KCNK1: variants seen among roughly 807,000 people sequenced by gnomAD.
KCNK1 encodes the protein potassium channel subfamily K member 1.
KCNK1 carries 10 observed loss-of-function variants against 22.2 expected under a neutral mutation model. The ratio of observed to expected loss-of-function variants is 0.45; its 90% CI spans 0.28 to 0.76. The LOEUF is 0.76. Ranked by LOEUF, KCNK1 falls within the 30% of genes least tolerant of loss-of-function variation. The pLI, the probability that KCNK1 is intolerant of heterozygous loss-of-function variation, is 0.14. For synonymous variants in KCNK1, 200 were observed against 186.4 expected (o/e 1.07, Z -0.60); for missense variants, 378 against 421.0 (o/e 0.90, Z 0.89).
At chr1:233,661,147 C>T (rs1276516213) in intron 1 of KCNK1, among the ~76,000 whole-genome samples, 2 of 152,214 alleles carry the variant, frequency 1.3e-5, no homozygotes, top group Non-Finnish European at 2.9e-5. Context: ...TTTCCAGAAC[C>T]TACCTCCTCA....
intron 1 of KCNK1, among the ~76,000 whole-genome samples, chr1:233,665,266 A>C (rs183991440): frequency 6.6e-6 from 1 of 152,348 alleles, no homozygotes; most frequent in Admixed American, 6.5e-5. Context: ...AAGTATTCTC[A>C]TGAGCGGTAC....
At chr1:233,664,145 T>A (rs1658449952) in intron 1 of KCNK1, among the ~76,000 whole-genome samples, 1 of 152,150 alleles carries the variant, frequency 6.6e-6, no homozygotes, top group Non-Finnish European at 1.5e-5. Flanking sequence ...TTGGCTTTTT[T>A]ATGGTTAAAT....
intron 1 of KCNK1, among the ~76,000 whole-genome samples, chr1:233,656,784 A>G (rs2102904947): frequency 6.6e-6 from 1 of 151,950 alleles, no homozygotes; most frequent in East Asian, 2.0e-4. Flanking sequence ...ATGCCCAGCT[A>G]ATTTATTTAG....
chr1:233,617,315 G>A (rs890580293), intron 1 of KCNK1, among the ~76,000 whole-genome samples: 1 of 152,156 alleles, frequency 6.6e-6, no homozygotes. Flanking sequence ...GAAGGCTTAG[G>A]TTGGTAATTC....
At chr1:233,616,981 C>T (rs13376146) in intron 1 of KCNK1, among the ~76,000 whole-genome samples, 3,800 of 151,890 alleles carry the variant, frequency 0.025, 146 homozygotes, top group African/African-American at 0.086. Context: ...TCTGGAAAAG[C>T]GCCAACCAAA....
At chr1:233,636,060 C>G (rs1374715516) in intron 1 of KCNK1, among the ~76,000 whole-genome samples, 1 of 152,114 alleles carries the variant, frequency 6.6e-6, no homozygotes, top group African/African-American at 2.4e-5. Context: ...TACCTAGTAT[C>G]GAGCTAAGAG....
intron 1 of KCNK1, among the ~76,000 whole-genome samples, chr1:233,641,548 C>G (rs986437926): frequency 6.6e-6 from 1 of 152,178 alleles, no homozygotes; most frequent in Non-Finnish European, 1.5e-5. Context: ...ACTGTAAGGT[C>G]TGGCAGTAAG....
rs551285036 is a variant in KCNK1, at chr1:233,671,608, A to G, written c.*78A>G. The G allele has an allele frequency of 6.6e-7, 1 of 1,510,282 alleles. No homozygotes were observed. Among genetic ancestry groups the G allele is most frequent in the African/African-American group, 1.4e-5 (1 of 72,012 alleles). 93.6% of individuals were successfully genotyped at this position (1,510,282 alleles called of 1,614,324 possible). On this transcript the variant is annotated 3_prime_UTR_variant, in exon 3 of 3. Coordinates refer to ENST00000366621, the MANE Select transcript of KCNK1 (RefSeq NM_002245.4). ...AGGCTTAAGTATGTTCATTTTTATC[A>G]GAATGCAAAAGCGAAAATTATGTCA...
chr1:233,659,274 C>G (rs1378047755), intron 1 of KCNK1, among the ~76,000 whole-genome samples: 1 of 151,368 alleles, frequency 6.6e-6, no homozygotes, highest in Non-Finnish European at 1.5e-5. Context: ...GGGTCAGGAT[C>G]TTCCACCCGC....
Position 233,670,800 on chromosome 1 carries a change from T to C in KCNK1, c.752-471T>C, listed in dbSNP as rs1286479309. ...ATTTCTATTATAAACTCTTATTCTATAATAGAAATTGTAAGAGTATTGAGT... is the reference window on the plus strand; with the variant it reads ...ATTTCTATTATAAACTCTTATTCTACAATAGAAATTGTAAGAGTATTGAGT... On this transcript the variant is annotated intron_variant, in intron 2 of 2. Transcript: ENST00000366621. 2.6e-5 allele frequency among the ~76,000 whole-genome samples: 4 copies of C among 152,336 alleles called. No homozygotes were observed. In the East Asian group the frequency reaches 7.7e-4, roughly 29 times the overall value.
Position 233,671,424 on chromosome 1 carries a change from C to T in KCNK1, c.905C>T (p.Ser302Phe). 14 of 1,614,152 alleles carry T rather than the reference C, an allele frequency of 8.7e-6. No individual in the cohort carries two copies. The highest frequency in any genetic ancestry group is 1.3e-5 in the African/African-American group (1 of 75,020). The change falls in exon 3 of 3, where the codon TCC (serine) becomes TTC (phenylalanine). Residue 302 changes from serine to phenylalanine, a missense_variant. Coordinates refer to ENST00000366621, the MANE Select transcript of KCNK1 (RefSeq NM_002245.4). The stretch of plus-strand genomic sequence containing the variant: ...ATAGAGCATGACCAACTGTCCTTCT[C>T]CTCGATCACAGACCAGGCAGCTGGC... ...HIIEHDQLSF[S>F]SITDQAAGMK...
At chr1:233,616,023 C>A (rs1268154986) in intron 1 of KCNK1, among the ~76,000 whole-genome samples, 1 of 152,194 alleles carries the variant, frequency 6.6e-6, no homozygotes, top group Non-Finnish European at 1.5e-5. Context: ...CTTGCCAATA[C>A]AATTTAATTT....
intron 2 of KCNK1, among the ~76,000 whole-genome samples, chr1:233,667,237 G>A (rs1282090292): frequency 6.6e-6 from 1 of 151,890 alleles, no homozygotes; most frequent in African/African-American, 2.4e-5. Flanking sequence ...CTCAATGAGG[G>A]GTCATTCATA....
intron 1 of KCNK1, among the ~76,000 whole-genome samples, chr1:233,626,745 T>G (rs1657696263): frequency 6.6e-6 from 1 of 152,210 alleles, no homozygotes; most frequent in Non-Finnish European, 1.5e-5. Flanking sequence ...ACTGTAATAT[T>G]GTTTTCTAAT....
intron 1 of KCNK1, among the ~76,000 whole-genome samples, chr1:233,654,972 G>A (rs1294488202): frequency 1.3e-5 from 2 of 152,144 alleles, no homozygotes; most frequent in Non-Finnish European, 2.9e-5. Flanking sequence ...GCAACATCCA[G>A]GATAGCCGAG....
intron 1 of KCNK1, among the ~76,000 whole-genome samples, chr1:233,627,805 AG>A (rs1657716751): frequency 6.6e-6 from 1 of 152,248 alleles, no homozygotes; most frequent in Non-Finnish European, 1.5e-5. Context: ...TAAAATTTTA[AG>A]AAAGTTGGGG....
chr1:233,631,313 T>C (rs701226), intron 1 of KCNK1: 164,096 of 522,196 alleles, frequency 0.31, 31,423 homozygotes, highest in African/African-American at 0.71. Context: ...ACCCCTAATG[T>C]GTGTTTAACT....
intron 1 of KCNK1, among the ~76,000 whole-genome samples, chr1:233,632,545 C>CTG: frequency 6.6e-6 from 1 of 152,272 alleles, no homozygotes; most frequent in Non-Finnish European, 1.5e-5. Context: ...CTGCTGCTGG[C>CTG]TGTCCTGGTG....
intron 1 of KCNK1, among the ~76,000 whole-genome samples, chr1:233,622,068 TTTGA>T (rs1302150302): frequency 6.6e-6 from 1 of 152,194 alleles, no homozygotes; most frequent in Non-Finnish European, 1.5e-5. Flanking sequence ...GAACAGAATC[TTTGA>T]TTGAAGCAGT....
Sources: gnomAD v4.1 joint callset for allele counts (sites outside exome capture counted in the v4.1 genomes callset) on GRCh38, gnomAD v4.1.1 for gene constraint, MANE v1.5 for transcripts, NCBI Gene and HGNC (gene_info 2026-07-23, HGNC 2026-07-21) for gene names.